The following SLC5A11 variants were observed in gnomAD, a reference collection of about 807,000 sequenced individuals.
SLC5A11 encodes the protein solute carrier family 5 member 11.
In SLC5A11, 48 loss-of-function variants were observed where a neutral mutation model predicts 69.8. That is an observed-to-expected ratio of 0.69 (90% confidence interval 0.55 to 0.87). The LOEUF (loss-of-function observed/expected upper bound fraction) is 0.87, where lower values mean the gene tolerates loss of function less well. SLC5A11 is among the 40% of genes least tolerant of loss of function. The pLI is 0.00. For synonymous variants in SLC5A11, 319 were observed against 342.4 expected (o/e 0.93, Z 0.75); for missense variants, 784 against 866.1 (o/e 0.91, Z 1.19).
intron 8 of SLC5A11, among the ~76,000 whole-genome samples, chr16:24,888,962 A>C (rs1211480359): frequency 7.0e-6 from 1 of 142,932 alleles, no homozygotes; most frequent in African/African-American, 2.6e-5. Context: ...ATGCCTGGTT[A>C]ATTTTTCTAT....
chr16:24,848,749 C>T (rs1226230203), intron 1 of SLC5A11, among the ~76,000 whole-genome samples: 2 of 151,918 alleles, frequency 1.3e-5, no homozygotes, highest in African/African-American at 2.4e-5. Flanking sequence ...CATTGCACTG[C>T]GGCTTGGTCA....
At chr16:24,879,417 A>G (rs1221096971) in intron 7 of SLC5A11, among the ~76,000 whole-genome samples, 2 of 151,932 alleles carry the variant, frequency 1.3e-5, no homozygotes, top group Admixed American at 6.6e-5. Flanking sequence ...TGAGTACCCA[A>G]TGTTTATTCA....
chr16:24,908,834 GCCAGAGCCCTTGGC>G, intron 13 of SLC5A11, 33 bp from the exon 15 acceptor site: 1 of 1,585,016 alleles, frequency 6.3e-7, no homozygotes, highest in African/African-American at 1.3e-5. Flanking sequence ...GTTCCTGGAG[GCCAGAGCCCTTGGC>G]GTCTCTAAGA....
chr16:24,906,358 A>G (rs1320542438), intron 10 of SLC5A11, among the ~76,000 whole-genome samples: 1 of 151,880 alleles, frequency 6.6e-6, no homozygotes, highest in Non-Finnish European at 1.5e-5. Context: ...AAAAAAAAAA[A>G]AAGACATTAT....
intron 9 of SLC5A11, among the ~76,000 whole-genome samples, chr16:24,894,249 CT>C (rs1179032523): frequency 6.6e-6 from 1 of 152,194 alleles, no homozygotes; most frequent in African/African-American, 2.4e-5. Flanking sequence ...CCACCCCCAG[CT>C]GCATTTCTGT....
At chr16:24,877,971 G>A (rs1266479605) in intron 7 of SLC5A11, among the ~76,000 whole-genome samples, 4 of 152,058 alleles carry the variant, frequency 2.6e-5, no homozygotes, top group South Asian at 2.1e-4. Flanking sequence ...GTGACAGAGC[G>A]AGACACCAGC....
intron 1 of SLC5A11, among the ~76,000 whole-genome samples, chr16:24,849,290 G>T (rs8044197): frequency 7.9e-5 from 12 of 151,902 alleles, no homozygotes; most frequent in African/African-American, 2.7e-4. Flanking sequence ...ATGAGAAGCC[G>T]GGCACGGTGG....
chr16:24,868,287 C>CA (rs374049168), intron 3 of SLC5A11, among the ~76,000 whole-genome samples: 21,924 of 128,974 alleles, frequency 0.17, 1,975 homozygotes, highest in Non-Finnish European at 0.23. Flanking sequence ...CAGATTCTTC[C>CA]AAAAAAAAAA....
exon 16 of SLC5A11, chr16:24,911,592 G>A: frequency 6.6e-7 from 1 of 1,525,116 alleles, no homozygotes; most frequent in Admixed American, 1.8e-5. Flanking sequence ...TTTTTTTAAT[G>A]AAAGAAAAAA....
intron 2 of SLC5A11, among the ~76,000 whole-genome samples, chr16:24,861,590 AAAGG>A (rs143815824): frequency 0.14 from 20,979 of 147,660 alleles, 1,991 homozygotes; most frequent in Non-Finnish European, 0.21. Flanking sequence ...AGAGAAAGAG[AAAGG>A]AAGGAAGGAA....
chr16:24,905,285 A>AG (rs1388218387), intron 10 of SLC5A11, among the ~76,000 whole-genome samples: 1 of 136,706 alleles, frequency 7.3e-6, no homozygotes, highest in Non-Finnish European at 1.6e-5. Context: ...AAAAAAAAAA[A>AG]AAAAAAAAAA....
chr16:24,858,733 G>A lies in SLC5A11; in HGVS notation c.90G>A (p.Ala30=), dbSNP rs751973662. ...AGGGCTTGGAGCCTGGGGACATCGC[G>A]GTGCTAGTTCTGTACTTCCTCTTTG... Residue 30 remains alanine, a synonymous_variant, in exon 2 of 16, where the codon GCG becomes GCA. Transcript: ENST00000347898. 6 of 1,611,816 alleles carry A rather than the reference G, an allele frequency of 3.7e-6. No homozygotes were observed. The South Asian group carries it at 6.6e-5, about 18-fold the overall frequency.
At chr16:24,911,568 T>C (rs1336361448) in exon 16 of SLC5A11, 3 of 1,585,834 alleles carry the variant, frequency 1.9e-6, no homozygotes, top group Non-Finnish European at 2.6e-6. Context: ...ACTCTGTTTC[T>C]CTTCAGTGCT....
At chr16:24,846,739 C>T (rs1052410145) in intron 1 of SLC5A11, 1 of 152,244 alleles carries the variant, frequency 6.6e-6, no homozygotes, top group Non-Finnish European at 1.5e-5. Context: ...GGTTCCTTAT[C>T]TGTCAAATGG....
At chr16:24,861,725 A>G (rs1353600217) in intron 2 of SLC5A11, among the ~76,000 whole-genome samples, 3 of 118,684 alleles carry the variant, frequency 2.5e-5, no homozygotes, top group East Asian at 2.7e-4. Context: ...AGGGGCAGGC[A>G]GAAGAAAGAA....
At chr16:24,907,852 C>T (rs540992369) in intron 12 of SLC5A11, 111 bp from the exon 14 acceptor site, 5 of 1,432,462 alleles carry the variant, frequency 3.5e-6, no homozygotes, top group African/African-American at 2.8e-5. Flanking sequence ...CACCACTGCA[C>T]CCCGGCCTTG....
At chr16:24,901,054 G>C (rs1402859502) in intron 10 of SLC5A11, among the ~76,000 whole-genome samples, 1 of 152,078 alleles carries the variant, frequency 6.6e-6, no homozygotes, top group Admixed American at 6.6e-5. Context: ...GATCTGGAAG[G>C]CCCAGGCCTG....
chr16:24,859,192 A>C (rs1271483293), intron 2 of SLC5A11: 1 of 154,008 alleles, frequency 6.5e-6, no homozygotes, highest in African/African-American at 2.4e-5. Flanking sequence ...TTGAGGTGGG[A>C]TCTCCCTCTG....
chr16:24,863,277 G>A (rs796240583), intron 3 of SLC5A11, among the ~76,000 whole-genome samples: 9 of 152,052 alleles, frequency 5.9e-5, no homozygotes, highest in African/African-American at 1.9e-4. Context: ...CTAGACAGAA[G>A]TCCAAGATGG....
Sources: gnomAD v4.1 joint callset for allele counts (sites outside exome capture counted in the v4.1 genomes callset) on GRCh38, gnomAD v4.1.1 for gene constraint, MANE v1.5 for transcripts, NCBI Gene and HGNC (gene_info 2026-07-23, HGNC 2026-07-21) for gene names.